The following PIWIL1 variants were observed in gnomAD, a reference collection of about 807,000 sequenced individuals.
PIWIL1 encodes piwi like RNA-mediated gene silencing 1, also known as piwi-like protein 1.
Under a neutral mutation model 114.4 loss-of-function variants are expected in PIWIL1, and 73 were observed. That is an observed-to-expected ratio of 0.64 (90% CI 0.53 to 0.78). The LOEUF (loss-of-function observed/expected upper bound fraction) is 0.78, where lower values mean the gene tolerates loss of function less well. PIWIL1 is among the 30% of genes least tolerant of loss of function. The probability of loss-of-function intolerance (pLI) is 0.00; values close to 1 mark genes in which losing one functional copy is unlikely to be tolerated. For synonymous variants in PIWIL1, 375 were observed against 369.0 expected, an observed-to-expected ratio of 1.02 and a Z score of -0.19; for missense variants, 723 against 1,063.1, an observed-to-expected ratio of 0.68 and a Z score of 4.45.
At chr12:130,421,582 C>T in the PIWIL1 span, among the ~76,000 whole-genome samples, 1 of 152,198 alleles carries the variant, frequency 6.6e-6, no homozygotes, top group Non-Finnish European at 1.5e-5. Flanking sequence ...GGTGGCTTTT[C>T]AGTGGCCTAG....
At chr12:130,383,978 G>T in the PIWIL1 span, 1 of 152,162 alleles carries the variant, frequency 6.6e-6, no homozygotes, top group Non-Finnish European at 1.5e-5. Context: ...AAATTATCAT[G>T]AACATCTTTT....
chr12:130,392,352 T>A, the PIWIL1 span, among the ~76,000 whole-genome samples: 2 of 152,220 alleles, frequency 1.3e-5, no homozygotes, highest in Non-Finnish European at 2.9e-5. Context: ...TTGAATGTTG[T>A]GATGACCCGG....
At chr12:130,424,777 A>G in the PIWIL1 span, 2 of 1,232,768 alleles carry the variant, frequency 1.6e-6, no homozygotes, top group East Asian at 6.3e-5. The surrounding 1 kb of genome is among the most constrained non-coding windows in gnomAD (Gnocchi z 9.8). Context: ...GGGATACTGA[A>G]AAGTCTCTTC....
chr12:130,424,260 C>T, the PIWIL1 span: 37 of 1,231,832 alleles, frequency 3.0e-5, no homozygotes, highest in South Asian at 1.4e-3. This position sits in a 1 kb window ranked among gnomAD's most constrained non-coding sequence, Gnocchi z 9.8. Context: ...GGTGGGCTCG[C>T]CCCAGCCGTG....
the PIWIL1 span, chr12:130,414,020 G>A: frequency 8.1e-7 from 1 of 1,227,592 alleles, no homozygotes; most frequent in Non-Finnish European, 1.2e-6. Context: ...ATGGCCTGCA[G>A]GAGAAGGCCA....
chr12:130,362,778 C>T lies in PIWIL1; in HGVS notation c.1983C>T (p.Arg661=). The T allele has an allele frequency of 6.2e-7, 1 of 1,614,084 alleles. No individual in the cohort carries two copies. The highest frequency in any genetic ancestry group is 8.5e-7 in the Non-Finnish European group (1 of 1,179,944). Residue 661 remains arginine (R), a synonymous_variant, in exon 17 of 21, where the codon CGC becomes CGT. Transcript: ENST00000245255. The part of the protein sequence containing the change: ...INEGMTRWFS[R]CIFQDRGQEL... ...TTTCTCTGAATAGCTGGTTCTCACG[C>T]TGCATATTTCAGGATAGAGGACAGG...
intron 7 of PIWIL1, 25 bp downstream of exon 7, chr12:130,348,208 T>C: frequency 7.4e-7 from 1 of 1,356,146 alleles, no homozygotes; most frequent in Non-Finnish European, 1.1e-6. Context: ...GAACGTTTAA[T>C]ATTCCTTAGG....
At chr12:130,345,606 A>G (rs752594145) in intron 3 of PIWIL1, 147 bp from the exon 4 acceptor site, 6 of 765,252 alleles carry the variant, frequency 7.8e-6, no homozygotes, top group Non-Finnish European at 1.3e-5. Flanking sequence ...GCTGGCAGAT[A>G]CCTAAAACAT....
At chr12:130,398,610 A>G in the PIWIL1 span, 1 of 152,638 alleles carries the variant, frequency 6.6e-6, no homozygotes. Context: ...CTCGTAAGGT[A>G]GAGGCAGGGT....
chr12:130,419,955 ATAT>A, the PIWIL1 span: 1 of 152,220 alleles, frequency 6.6e-6, no homozygotes, highest in Non-Finnish European at 1.5e-5. This position sits in a 1 kb window ranked among gnomAD's most constrained non-coding sequence, Gnocchi z 4.3. Context: ...ATTAAAATTT[ATAT>A]TATTTTTCAT....
chr12:130,421,954 T>C, the PIWIL1 span, among the ~76,000 whole-genome samples: 4 of 151,912 alleles, frequency 2.6e-5, no homozygotes, highest in Non-Finnish European at 4.4e-5. Flanking sequence ...GCAAGGGAGG[T>C]GCCCAGATGG....
the PIWIL1 span, among the ~76,000 whole-genome samples, chr12:130,413,632 CAAAAAAAAAAAAAAA>C: frequency 1.4e-5 from 1 of 73,354 alleles, no homozygotes; most frequent in Non-Finnish European, 2.6e-5. Flanking sequence ...GACTCTGTCT[CAAAAAAAAAAAAAAA>C]AAAAAAAAAG....
the PIWIL1 span, chr12:130,414,183 G>T: frequency 6.2e-7 from 1 of 1,614,220 alleles, no homozygotes; most frequent in Non-Finnish European, 8.5e-7. Flanking sequence ...TGGGTTTGGG[G>T]ACATGGTGAG....
At chr12:130,340,646 T>TGGGGG (rs143005039) in intron 1 of PIWIL1, among the ~76,000 whole-genome samples, 6 of 72,874 alleles carry the variant, frequency 8.2e-5, no homozygotes, top group South Asian at 6.7e-4. Context: ...GGAGGGGGGG[T>TGGGGG]GGGGGGAGGG....
At chr12:130,359,389 G>A (rs542659283) in intron 14 of PIWIL1, among the ~76,000 whole-genome samples, 24 of 152,248 alleles carry the variant, frequency 1.6e-4, no homozygotes, top group South Asian at 6.2e-4. Context: ...AAGCACAGCC[G>A]AGCCAAAGAC....
At chr12:130,424,414 C>G in the PIWIL1 span, 1 of 1,232,844 alleles carries the variant, frequency 8.1e-7, no homozygotes, top group South Asian at 4.1e-5. This position sits in a 1 kb window ranked among gnomAD's most constrained non-coding sequence, Gnocchi z 9.8. Flanking sequence ...GGCCTCGGGC[C>G]CCTCCTGCAG....
At chr12:130,408,427 G>A in the PIWIL1 span, among the ~76,000 whole-genome samples, 6 of 152,314 alleles carry the variant, frequency 3.9e-5, no homozygotes, top group East Asian at 1.9e-4. Flanking sequence ...AGCAGCGGCC[G>A]TAGAGAAGAT....
At chr12:130,350,200 T>G (rs1212212320) in intron 9 of PIWIL1, among the ~76,000 whole-genome samples, 1 of 152,226 alleles carries the variant, frequency 6.6e-6, no homozygotes, top group Admixed American at 6.5e-5. Context: ...TCCAGTAGAA[T>G]GAAAGCTTAC....
the PIWIL1 span, among the ~76,000 whole-genome samples, chr12:130,388,379 A>T: frequency 2.6e-5 from 4 of 152,212 alleles, no homozygotes; most frequent in Non-Finnish European, 4.4e-5. Context: ...GATCTATCCC[A>T]GTATCAGCAT....
Sources: allele counts gnomAD v4.1 joint callset (sites outside exome capture counted in the v4.1 genomes callset), GRCh38; gene constraint gnomAD v4.1.1; non-coding constraint Gnocchi (gnomAD v3.1); transcripts MANE v1.5; gene names NCBI Gene and HGNC (gene_info 2026-07-23, HGNC 2026-07-21).